BIRC6: variants seen among roughly 807,000 people sequenced by gnomAD.
BIRC6 encodes dual E2 ubiquitin-conjugating enzyme/E3 ubiquitin-protein ligase BIRC6.
In BIRC6, 98 loss-of-function variants were observed where a neutral mutation model predicts 503.3. The ratio of observed to expected loss-of-function variants is 0.19; its 90% CI spans 0.17 to 0.23. BIRC6 has a LOEUF of 0.23. BIRC6 is among the 10% of genes least tolerant of loss of function. The probability of loss-of-function intolerance (pLI) is 1.00; values close to 1 mark genes in which losing one functional copy is unlikely to be tolerated. For synonymous variants in BIRC6, 2,240 were observed against 2,078.7 expected (o/e 1.08, Z -2.11); for missense variants, 5,360 against 5,806.0 (o/e 0.92, Z 2.50).
At chr2:32,361,192 C>T (rs2034021361) in intron 1 of BIRC6, among the ~76,000 whole-genome samples, 2 of 152,108 alleles carry the variant, frequency 1.3e-5, no homozygotes, top group Admixed American at 1.3e-4. Flanking sequence ...ACCTTGGCCT[C>T]CCAAAGTGTT....
intron 70 of BIRC6, among the ~76,000 whole-genome samples, chr2:32,601,786 G>A (rs2062076533): frequency 6.6e-6 from 1 of 152,196 alleles, no homozygotes; most frequent in Admixed American, 6.5e-5. Flanking sequence ...TTCCTGCTAA[G>A]TGAGTAAGTA....
chr2:32,374,380 C>A (rs1272981711), intron 1 of BIRC6, among the ~76,000 whole-genome samples: 13 of 152,048 alleles, frequency 8.5e-5, no homozygotes, highest in African/African-American at 2.9e-4. Flanking sequence ...CTCACTGTAG[C>A]CTTGAACTCC....
intron 62 of BIRC6, among the ~76,000 whole-genome samples, chr2:32,545,052 G>GA (rs35577872): frequency 1.3e-4 from 20 of 148,858 alleles, no homozygotes; most frequent in South Asian, 6.4e-4. Flanking sequence ...AACAGAAAAG[G>GA]AAAAAAAAAT....
intron 39 of BIRC6, among the ~76,000 whole-genome samples, chr2:32,483,860 T>A (rs2050688266): frequency 6.6e-6 from 1 of 152,206 alleles, no homozygotes; most frequent in East Asian, 1.9e-4. Context: ...TCTCTCTCAT[T>A]ATTGGTGATG....
intron 1 of BIRC6, among the ~76,000 whole-genome samples, chr2:32,370,165 A>G (rs1043253429): frequency 6.6e-6 from 1 of 151,720 alleles, no homozygotes; most frequent in Non-Finnish European, 1.5e-5. Flanking sequence ...TATAACTGTG[A>G]TAAATTGAAC....
rs2049039487 is a variant in BIRC6 at position 32,471,002 on chromosome 2, A to G, written c.6482-12A>G. 2 of 1,558,320 alleles carry G rather than the reference A, an allele frequency of 1.3e-6. No homozygotes were observed. Among genetic ancestry groups the G allele is most frequent in the Non-Finnish European group, 1.7e-6 (2 of 1,149,342 alleles). On this transcript the variant is annotated splice_polypyrimidine_tract_variant and intron_variant, in intron 31 of 73. Coordinates refer to ENST00000421745, the MANE Select transcript of BIRC6 (RefSeq NM_016252.4). ...ATCTGGATGTTTTTCCTTTGCTGTC[A>G]TCTCTCTCCAGGAGTACTAGATATT...
At chr2:32,482,617 T>G in intron 39 of BIRC6, 35 bp downstream of exon 39, 7 of 1,606,374 alleles carry the variant, frequency 4.4e-6, no homozygotes, top group Non-Finnish European at 6.0e-6. Context: ...ACATATGCTA[T>G]TCTTAAAACA....
At chr2:32,367,264 A>G (rs757585332) in intron 1 of BIRC6, among the ~76,000 whole-genome samples, 15 of 152,070 alleles carry the variant, frequency 9.9e-5, no homozygotes, top group Middle Eastern at 3.4e-3. Flanking sequence ...GGAGTTCGAG[A>G]CCAGCCTGAC....
At chr2:32,473,731 G>A (rs2049364093) in intron 33 of BIRC6, among the ~76,000 whole-genome samples, 1 of 137,410 alleles carries the variant, frequency 7.3e-6, no homozygotes, top group African/African-American at 2.7e-5. Context: ...GTGTGTGTGT[G>A]TGTGTGTGTG....
At chr2:32,501,953 T>TA in intron 47 of BIRC6, 65 bp downstream of exon 47, 1 of 1,418,192 alleles carries the variant, frequency 7.1e-7, no homozygotes, top group Non-Finnish European at 9.6e-7. Flanking sequence ...AGTGGAAAAT[T>TA]ACAGGACAAA....
intron 46 of BIRC6, among the ~76,000 whole-genome samples, chr2:32,500,857 A>G (rs1297966401): frequency 6.6e-6 from 1 of 151,686 alleles, no homozygotes; most frequent in Non-Finnish European, 1.5e-5. Context: ...TGCCCACCTC[A>G]GCCTCCGAAA....
chr2:32,601,060 C>T (rs1290113802), intron 70 of BIRC6, among the ~76,000 whole-genome samples: 2 of 152,196 alleles, frequency 1.3e-5, no homozygotes, highest in Non-Finnish European at 2.9e-5. Flanking sequence ...TTGTTTTGGG[C>T]TGCATTCAAA....
intron 3 of BIRC6, among the ~76,000 whole-genome samples, chr2:32,381,804 A>G (rs566599077): frequency 1.3e-5 from 2 of 151,986 alleles, no homozygotes; most frequent in Non-Finnish European, 2.9e-5. Flanking sequence ...TCGGCCTCCC[A>G]AAGTGTTGGG....
Position 32,357,623 on chromosome 2 carries a change from C to A in BIRC6, c.325+137C>A. The A allele has an allele frequency of 1.4e-6, 2 of 1,409,804 alleles. No individual in the cohort carries two copies. The highest frequency in any genetic ancestry group is 1.9e-6 in the Non-Finnish European group (2 of 1,080,478). The allele number at this position is 1,409,804 out of a possible 1,614,324, so 87.3% of individuals were successfully genotyped here. ...GTTCGGGCCCAGCCGTGAAGGGAGGCCCGGAAGCTGATGGAGGGGGACCTT... is the reference window on the plus strand; with the variant it reads ...GTTCGGGCCCAGCCGTGAAGGGAGGACCGGAAGCTGATGGAGGGGGACCTT... On this transcript the variant is annotated intron_variant, in intron 1 of 73. Coordinates refer to ENST00000421745, the MANE Select transcript of BIRC6 (RefSeq NM_016252.4). This position sits in a 1 kb window ranked among gnomAD's most constrained non-coding sequence, Gnocchi z 4.9.
In BIRC6 at chr2:32,357,160, G is replaced by T; in HGVS notation, c.-2G>T. ...CGCGCTCGGCTTGCCCCCTGGCCCC[G>T]GATGGTGACTGGTGGTGGTGCTGCA... On this transcript the variant is annotated 5_prime_UTR_variant, in exon 1 of 74. Transcript: ENST00000421745. This position sits in a 1 kb window ranked among gnomAD's most constrained non-coding sequence, Gnocchi z 4.9. The T allele has an allele frequency of 1.3e-6, 2 of 1,508,634 alleles. No homozygotes were observed. Among genetic ancestry groups the T allele is most frequent in the Non-Finnish European group, 1.8e-6 (2 of 1,140,390 alleles). The allele number at this position is 1,508,634 out of a possible 1,614,324, so 93.5% of individuals were successfully genotyped here.
chr2:32,577,275 A>G (rs562396731), intron 66 of BIRC6, among the ~76,000 whole-genome samples: 29 of 152,210 alleles, frequency 1.9e-4, no homozygotes, highest in Non-Finnish European at 3.8e-4. Context: ...ATGTCTTTTT[A>G]GGGGAATCTT....
chr2:32,370,693 A>G (rs1341703980), intron 1 of BIRC6, among the ~76,000 whole-genome samples: 6 of 152,142 alleles, frequency 3.9e-5, no homozygotes, highest in Non-Finnish European at 8.8e-5. Flanking sequence ...CCTTCTTTTT[A>G]AAAAATTTTA....
At chr2:32,552,013 G>T (rs2058458312) in intron 65 of BIRC6, among the ~76,000 whole-genome samples, 1 of 152,180 alleles carries the variant, frequency 6.6e-6, no homozygotes, top group Non-Finnish European at 1.5e-5. Flanking sequence ...AGCCTTTTCT[G>T]AGAACTTTAG....
intron 72 of BIRC6, among the ~76,000 whole-genome samples, chr2:32,609,666 T>C (rs1012462511): frequency 6.6e-6 from 1 of 152,018 alleles, no homozygotes; most frequent in Non-Finnish European, 1.5e-5. Flanking sequence ...CCAGTGTCCT[T>C]TGAATGACAA....
Sources: allele counts gnomAD v4.1 joint callset (sites outside exome capture counted in the v4.1 genomes callset), GRCh38; gene constraint gnomAD v4.1.1; non-coding constraint Gnocchi (gnomAD v3.1); transcripts MANE v1.5; gene names NCBI Gene and HGNC (gene_info 2026-07-23, HGNC 2026-07-21).